Variants in ARID1B observed in about 807,000 individuals in gnomAD.
The protein encoded by ARID1B is AT-rich interaction domain 1B.
Under a neutral mutation model 212.3 loss-of-function variants are expected in ARID1B, and 30 were observed. The observed-to-expected ratio is 0.14, with a 90% CI of 0.11 to 0.19. The LOEUF (loss-of-function observed/expected upper bound fraction) is 0.19, where lower values mean the gene tolerates loss of function less well. Ranked by LOEUF, ARID1B falls within the 10% of genes least tolerant of loss-of-function variation. The pLI, the probability that ARID1B is intolerant of heterozygous loss-of-function variation, is 1.00. For synonymous variants in ARID1B, 1,402 were observed against 1,301.7 expected (o/e 1.08, Z -1.66); for missense variants, 2,891 against 3,204.0 (o/e 0.90, Z 2.36).
intron 6 of ARID1B, among the ~76,000 whole-genome samples, chr6:157,117,529 G>T (rs562839931): frequency 2.7e-4 from 41 of 152,150 alleles, no homozygotes; most frequent in Admixed American, 2.7e-3. Context: ...AATGAATTCA[G>T]TGTCTTCCTA....
rs1013356427 is a variant in ARID1B at position 157,201,616 on chromosome 6, G to A, written c.5263+128G>A. The A allele has an allele frequency of 2.6e-6, 3 of 1,133,916 alleles. No homozygotes were observed. Among genetic ancestry groups the A allele is most frequent in the African/African-American group, 3.2e-5 (2 of 63,242 alleles). 70.2% of individuals were successfully genotyped at this position (1,133,916 alleles called of 1,614,324 possible). A position where few individuals can be genotyped will look rare whatever the true frequency, so the allele number is the denominator to read the frequency against. On this transcript the variant is annotated intron_variant, in intron 18 of 19. Coordinates refer to ENST00000636930, the MANE Select transcript of ARID1B (RefSeq NM_001374828.1). This position sits in a 1 kb window ranked among gnomAD's most constrained non-coding sequence, Gnocchi z 5.2. ...AATTATGACTAGAAGTTATCAAGAT[G>A]CGTTTTTATATAGGAGTAATATAGT...
At chr6:156,921,485 AC>A (rs1245908820) in intron 3 of ARID1B, among the ~76,000 whole-genome samples, 1 of 138,178 alleles carries the variant, frequency 7.2e-6, no homozygotes, top group Non-Finnish European at 1.6e-5. Flanking sequence ...ACACACACAC[AC>A]ACACACAAAA....
At chr6:156,911,343 T>G (rs921206958) in intron 3 of ARID1B, among the ~76,000 whole-genome samples, 138 of 141,408 alleles carry the variant, frequency 9.8e-4, no homozygotes, top group African/African-American at 4.0e-3. Context: ...AATTAGTTTT[T>G]TTTTTTTTTT....
chr6:156,949,054 T>C (rs1052407153), intron 4 of ARID1B, among the ~76,000 whole-genome samples: 4 of 152,226 alleles, frequency 2.6e-5, no homozygotes, highest in Admixed American at 1.3e-4. Context: ...TCACGTCTTA[T>C]CAGTGCTGGT....
chr6:157,143,928 T>G (rs1789544620), intron 7 of ARID1B, among the ~76,000 whole-genome samples: 1 of 152,246 alleles, frequency 6.6e-6, no homozygotes, highest in East Asian at 1.9e-4. Flanking sequence ...AGAAATAGAT[T>G]GGCACCCCTG....
intron 5 of ARID1B, among the ~76,000 whole-genome samples, chr6:157,109,203 A>C (rs540301021): frequency 1.3e-5 from 2 of 152,076 alleles, no homozygotes; most frequent in African/African-American, 4.8e-5. Context: ...GTTGTTGTAC[A>C]TCGTCAAATA....
Position 156,778,999 on chromosome 6 carries a change from G to T in ARID1B, c.1319G>T (p.Gly440Val). 7.9e-7 allele frequency: 1 copy of T among 1,269,392 alleles called. No homozygotes were observed. The highest frequency in any genetic ancestry group is 9.8e-7 in the Non-Finnish European group (1 of 1,018,524). The allele number at this position is 1,269,392 out of a possible 1,614,324, so 78.6% of individuals were successfully genotyped here. Residue 440 changes from glycine (G) to valine (V), a missense_variant, in exon 1 of 20, where the codon GGC (glycine) becomes GTC (valine). Coordinates refer to ENST00000636930, the MANE Select transcript of ARID1B (RefSeq NM_001374828.1). ...GCAGCAGGAGGCGGCGGCGGCGGCG[G>T]CTATGGGGGCTCGTCCGCGGGGTAC... is the stretch of plus-strand genomic sequence containing the variant. ...AAAAGGGGGG[G>V]YGGSSAGYGV... is the part of the protein sequence containing the mutation.
chr6:157,143,225 G>A lies in ARID1B; in HGVS notation c.2762-5399G>A, dbSNP rs549755104. On this transcript the variant is annotated intron_variant, in intron 7 of 19. Transcript: ENST00000636930. ...TTGGCTGCAAGACCAGTCCAGCTGA[G>A]GTGGGCTGGCCCAGCATCTGCCGCC... Among the ~76,000 whole-genome samples, 8 of 152,308 alleles carry A rather than the reference G, an allele frequency of 5.3e-5. No homozygotes were observed. In the South Asian group the frequency reaches 1.5e-3, roughly 28 times the overall value.
intron 4 of ARID1B, among the ~76,000 whole-genome samples, chr6:156,982,956 G>C (rs1777694599): frequency 6.6e-6 from 1 of 152,096 alleles, no homozygotes; most frequent in Admixed American, 6.5e-5. Flanking sequence ...GGGCTGATTG[G>C]TAGTGGTGCG....
chr6:156,778,268 CCAGCAGCAGCAG>C lies in ARID1B; in HGVS notation c.600_611del (p.Gln211_Gln214del), dbSNP rs587779743. On this transcript the variant is annotated inframe_deletion, in exon 1 of 20. Transcript: ENST00000636930. ...CACTACAGCAGCAGCTAAACCAGTT[CCAGCAGCAGCAG>C]CAGCAGCAGCAACAGCAGCAGCAGC... is the stretch of plus-strand genomic sequence containing the variant. The C allele has an allele frequency of 2.2e-5, 34 of 1,536,712 alleles. No homozygotes were observed. Among genetic ancestry groups the C allele is most frequent in the African/African-American group, 5.5e-5 (4 of 72,544 alleles).
intron 4 of ARID1B, among the ~76,000 whole-genome samples, chr6:157,076,310 T>C (rs1440219300): frequency 7.2e-6 from 1 of 138,306 alleles, no homozygotes; most frequent in African/African-American, 2.7e-5. Flanking sequence ...TTTGTTTGTT[T>C]GTTTTGTTTT....
At chr6:156,935,445 T>C (rs746368001) in intron 3 of ARID1B, 21 bp from the exon 4 acceptor site, 1 of 1,566,164 alleles carries the variant, frequency 6.4e-7, no homozygotes, top group South Asian at 1.1e-5. Flanking sequence ...TGAAGTGCTT[T>C]GTGTTTGTGT....
chr6:157,051,101 C>G lies in ARID1B; in HGVS notation c.2248-33561C>G, dbSNP rs1435855004. Among the ~76,000 whole-genome samples the G allele has an allele frequency of 2.0e-5, 3 of 152,166 alleles. No homozygotes were observed. The East Asian group carries it at 5.8e-4, about 29-fold the overall frequency. On this transcript the variant is annotated intron_variant, in intron 4 of 19. Coordinates refer to ENST00000636930, the MANE Select transcript of ARID1B (RefSeq NM_001374828.1). ...TTCGCCCAATTATGCTGTGATTATT[C>G]TGCTGCACTGTAATTGACTGGGGAG...
intron 2 of ARID1B, among the ~76,000 whole-genome samples, chr6:156,887,722 G>A (rs1320063581): frequency 6.6e-6 from 1 of 151,814 alleles, no homozygotes; most frequent in Non-Finnish European, 1.5e-5. Flanking sequence ...TGGTAACAAT[G>A]CAACCGCATA....
At chr6:156,873,946 C>G (rs911471168) in intron 2 of ARID1B, among the ~76,000 whole-genome samples, 4 of 152,240 alleles carry the variant, frequency 2.6e-5, no homozygotes, top group African/African-American at 9.6e-5. Context: ...CTTCCTCCAT[C>G]TGCTTTGCCC....
rs916513547 is a variant in ARID1B at position 156,966,804 on chromosome 6, G to A, written c.2247+31228G>A. 9.8e-5 allele frequency among the ~76,000 whole-genome samples: 15 copies of A among 152,306 alleles called. No individual in the cohort carries two copies. The East Asian group carries it at 1.2e-3, about 12-fold the overall frequency. On this transcript the variant is annotated intron_variant, in intron 4 of 19. Coordinates refer to ENST00000636930, the MANE Select transcript of ARID1B (RefSeq NM_001374828.1). ...CATCCTCCGCCTTTCGGGTTCAAGC[G>A]TTTCTCCTGCCTTAGCCTCTCGAGT...
At chr6:156,987,616 C>T (rs1778010632) in intron 4 of ARID1B, among the ~76,000 whole-genome samples, 1 of 152,180 alleles carries the variant, frequency 6.6e-6, no homozygotes, top group Non-Finnish European at 1.5e-5. Flanking sequence ...AGGCGTGAGC[C>T]ACCACGCCCG....
chr6:156,978,434 G>A (rs1204503826), intron 4 of ARID1B, among the ~76,000 whole-genome samples: 1 of 152,246 alleles, frequency 6.6e-6, no homozygotes, highest in African/African-American at 2.4e-5. Flanking sequence ...TGACAGGAAT[G>A]AATATTAGGA....
chr6:157,154,648 C>T (rs1318001223), intron 8 of ARID1B, among the ~76,000 whole-genome samples: 13 of 132,564 alleles, frequency 9.8e-5, no homozygotes, highest in Admixed American at 2.6e-4. Context: ...TGCACAATAT[C>T]GGCTCACTGC....
Sources: gnomAD v4.1 joint callset for allele counts (sites outside exome capture counted in the v4.1 genomes callset) on GRCh38, gnomAD v4.1.1 for gene constraint, Gnocchi (gnomAD v3.1) non-coding constraint, MANE v1.5 for transcripts, NCBI Gene and HGNC (gene_info 2026-07-23, HGNC 2026-07-21) for gene names.